Variants in ATP6V1H observed in about 807,000 individuals in gnomAD.
The protein encoded by ATP6V1H is ATPase H+ transporting V1 subunit H.
ATP6V1H carries 39 observed loss-of-function variants against 71.7 expected under a neutral mutation model. The ratio of observed to expected loss-of-function variants is 0.54; its 90% CI spans 0.42 to 0.71. The LOEUF (loss-of-function observed/expected upper bound fraction) is 0.71, where lower values mean the gene tolerates loss of function less well. Ranked by LOEUF, ATP6V1H falls within the 30% of genes least tolerant of loss-of-function variation. The probability of loss-of-function intolerance (pLI) is 0.00; values close to 1 mark genes in which losing one functional copy is unlikely to be tolerated. For synonymous variants in ATP6V1H, 192 were observed against 199.3 expected (o/e 0.96, Z 0.31); for missense variants, 509 against 594.9 (o/e 0.86, Z 1.50).
intron 11 of ATP6V1H, among the ~76,000 whole-genome samples, chr8:53,765,454 A>AAC (rs59822523): frequency 0.013 from 999 of 74,048 alleles, 20 homozygotes; most frequent in African/African-American, 0.035. Context: ...CAACAACAAC[A>AAC]ACACACACAC....
At chr8:53,735,737 T>A (rs1293013773) in intron 13 of ATP6V1H, among the ~76,000 whole-genome samples, 1 of 152,216 alleles carries the variant, frequency 6.6e-6, no homozygotes, top group Non-Finnish European at 1.5e-5. Context: ...CCTATAAGCC[T>A]GACACTCCTT....
chr8:53,797,718 G>A (rs1809787289), intron 8 of ATP6V1H, among the ~76,000 whole-genome samples: 1 of 151,698 alleles, frequency 6.6e-6, no homozygotes, highest in African/African-American at 2.4e-5. Context: ...CAAAATTAGT[G>A]GTTGGGCATG....
At chr8:53,788,311 C>G (rs1046097733) in intron 9 of ATP6V1H, among the ~76,000 whole-genome samples, 6 of 152,104 alleles carry the variant, frequency 3.9e-5, no homozygotes, top group Non-Finnish European at 7.4e-5. Flanking sequence ...ACAATAGAAG[C>G]CCATAAATTA....
chr8:53,776,609 C>CGTT (rs1808900998), intron 9 of ATP6V1H, among the ~76,000 whole-genome samples: 1 of 152,196 alleles, frequency 6.6e-6, no homozygotes, highest in African/African-American at 2.4e-5. Context: ...TATGGAGAAA[C>CGTT]ATAACAGAAG....
At chr8:53,803,250 T>C (rs1809974033) in intron 7 of ATP6V1H, among the ~76,000 whole-genome samples, 1 of 151,226 alleles carries the variant, frequency 6.6e-6, no homozygotes, top group East Asian at 2.0e-4. Flanking sequence ...GGCAGAAGAG[T>C]CACTTGAACC....
At chr8:53,831,741 TA>T (rs1328509778) in intron 3 of ATP6V1H, 1 of 149,978 alleles carries the variant, frequency 6.7e-6, no homozygotes, top group African/African-American at 2.5e-5. Context: ...AATCAATAAT[TA>T]CACTCTTTTT....
rs112806725 is a variant in ATP6V1H, at chr8:53,821,797, A to G, written c.307-4267T>C. The stretch of plus-strand genomic sequence containing the variant: ...AACCCCACACAGATACAAAACTACC[A>G]TAAAAAGAAACCAAAAGATGCAAAT... On this transcript the variant is annotated intron_variant, in intron 4 of 13. Coordinates refer to ENST00000359530, the MANE Select transcript of ATP6V1H (RefSeq NM_015941.4). Among the ~76,000 whole-genome samples the G allele has an allele frequency of 5.4e-4, 82 of 152,350 alleles. 1 individual carries two copies. Among genetic ancestry groups the G allele is most frequent in the South Asian group, 1.9e-3 (9 of 4,832 alleles).
chr8:53,833,079 T>A lies in ATP6V1H; in HGVS notation c.121A>T (p.Met41Leu), dbSNP rs1811058915. ...VNWQSYLQGQ[M>L]ISAEDCEFIQ... ...AACTCACAATCTTCAGCAGAAATCATCTGTCCCCTAGAAAGTAAGAATAAG... is the reference window on the plus strand; with the variant it reads ...AACTCACAATCTTCAGCAGAAATCAACTGTCCCCTAGAAAGTAAGAATAAG... Residue 41 changes from methionine to leucine, a missense_variant, in exon 3 of 14, where the codon ATG becomes TTG. Coordinates refer to ENST00000359530, the MANE Select transcript of ATP6V1H (RefSeq NM_015941.4). The A allele has an allele frequency of 3.7e-6, 6 of 1,612,320 alleles. No individual in the cohort carries two copies. Among genetic ancestry groups the A allele is most frequent in the African/African-American group, 2.7e-5 (2 of 74,866 alleles).
At position 53,754,062 on chromosome 8, in the gene ATP6V1H, A is replaced by C. The variant is rs1364412196; in HGVS notation, c.1277+2493T>G. Among the ~76,000 whole-genome samples, 3 of 152,196 alleles carry C rather than the reference A, an allele frequency of 2.0e-5. No individual in the cohort carries two copies. In the East Asian group the frequency reaches 5.8e-4, roughly 29 times the overall value. On this transcript the variant is annotated intron_variant, in intron 12 of 13. Transcript: ENST00000359530. ...GCCAGATGAGCCCTGCACACTGCGC[A>C]TAAGAGGAACCCTGAACTTAGAGAA...
chr8:53,734,915 T>A (rs559759170), intron 13 of ATP6V1H, among the ~76,000 whole-genome samples: 4 of 152,248 alleles, frequency 2.6e-5, no homozygotes, highest in Non-Finnish European at 5.9e-5. Context: ...GATAAAAGGA[T>A]AGCTGTGCCA....
At chr8:53,791,268 G>C in intron 9 of ATP6V1H, among the ~76,000 whole-genome samples, 1 of 152,190 alleles carries the variant, frequency 6.6e-6, no homozygotes, top group South Asian at 2.1e-4. Context: ...AACTAGATCT[G>C]ACAAAGGGTC....
intron 11 of ATP6V1H, among the ~76,000 whole-genome samples, chr8:53,767,959 T>G (rs1268819879): frequency 6.6e-6 from 1 of 152,204 alleles, no homozygotes; most frequent in Non-Finnish European, 1.5e-5. Context: ...ATTTTAAAAC[T>G]TTTGTGCTTC....
At chr8:53,752,869 T>G (rs1807851983) in intron 12 of ATP6V1H, among the ~76,000 whole-genome samples, 1 of 152,186 alleles carries the variant, frequency 6.6e-6, no homozygotes, top group South Asian at 2.1e-4. Context: ...TATGACTCAA[T>G]AAGTCTATTC....
intron 2 of ATP6V1H, chr8:53,839,903 A>G: frequency 1.0e-6 from 1 of 985,578 alleles, no homozygotes; most frequent in Non-Finnish European, 1.2e-6. Context: ...CCACACACCC[A>G]CACACAGCAT....
At chr8:53,722,431 G>A (rs1253695986) in intron 13 of ATP6V1H, among the ~76,000 whole-genome samples, 1 of 152,210 alleles carries the variant, frequency 6.6e-6, no homozygotes, top group South Asian at 2.1e-4. Context: ...GTTATGCAAC[G>A]TGCAGTGTGG....
At chr8:53,747,869 G>A (rs1286884186) in intron 12 of ATP6V1H, among the ~76,000 whole-genome samples, 1 of 151,984 alleles carries the variant, frequency 6.6e-6, no homozygotes, top group Non-Finnish European at 1.5e-5. Context: ...AGAAGTGGTG[G>A]GAGAGGCCAG....
At chr8:53,751,231 G>A (rs1279552112) in intron 12 of ATP6V1H, among the ~76,000 whole-genome samples, 2 of 152,204 alleles carry the variant, frequency 1.3e-5, no homozygotes, top group Non-Finnish European at 2.9e-5. Context: ...AGACTTCCAT[G>A]ACAAGTCCAC....
At chr8:53,720,983 G>A (rs1016894760) in intron 13 of ATP6V1H, among the ~76,000 whole-genome samples, 2 of 152,200 alleles carry the variant, frequency 1.3e-5, no homozygotes, top group African/African-American at 2.4e-5. Flanking sequence ...TCATAATTAC[G>A]TTTCTTAATC....
chr8:53,736,447 C>A lies in ATP6V1H; in HGVS notation c.1391+7130G>T, dbSNP rs138157686. Among the ~76,000 whole-genome samples the A allele has an allele frequency of 3.6e-4, 55 of 152,278 alleles. 1 individual carries two copies. The highest frequency in any genetic ancestry group is 1.3e-3 in the African/African-American group (52 of 41,562). On this transcript the variant is annotated intron_variant, in intron 13 of 13. Transcript: ENST00000359530. ...CTGACTAATTCTTTCCCCGAACAGACGCCCACAAGTTCAAGCTTCTAGCTG... is the reference window on the plus strand; with the variant it reads ...CTGACTAATTCTTTCCCCGAACAGAAGCCCACAAGTTCAAGCTTCTAGCTG...
Sources: allele counts gnomAD v4.1 joint callset (sites outside exome capture counted in the v4.1 genomes callset), GRCh38; gene constraint gnomAD v4.1.1; transcripts MANE v1.5; gene names NCBI Gene and HGNC (gene_info 2026-07-23, HGNC 2026-07-21).